SHANK2: variants seen among roughly 807,000 people sequenced by gnomAD.
SHANK2 encodes the protein SH3 and multiple ankyrin repeat domains 2, also known as SH3 and multiple ankyrin repeat domains protein 2.
SHANK2 carries 43 observed loss-of-function variants against 133.7 expected under a neutral mutation model. That is an observed-to-expected ratio of 0.32 (90% confidence interval 0.25 to 0.41). SHANK2 has a LOEUF of 0.41. Ranked by LOEUF, SHANK2 falls within the 10% of genes least tolerant of loss-of-function variation. The pLI is 1.00. For missense variants in SHANK2, 1,994 were observed against 2,235.8 expected, an observed-to-expected ratio of 0.89 and a Z score of 2.18; for synonymous variants, 1,017 against 952.8, an observed-to-expected ratio of 1.07 and a Z score of -1.24.
intron 14 of SHANK2, among the ~76,000 whole-genome samples, chr11:70,713,056 G>A (rs1945827712): frequency 6.6e-6 from 1 of 152,254 alleles, no homozygotes; most frequent in East Asian, 1.9e-4. Flanking sequence ...TTTGCCAAAA[G>A]AATCACGTGC....
In SHANK2 at chr11:70,892,409, C is replaced by G. The variant is rs147251540; in HGVS notation, c.1174+4092G>C. Among the ~76,000 whole-genome samples the G allele has an allele frequency of 4.1e-3, 632 of 152,318 alleles. 5 individuals are homozygous for G. The Middle Eastern group carries it at 0.054, about 13-fold the overall frequency. On this transcript the variant is annotated intron_variant, in intron 11 of 25. Transcript: ENST00000601538. Reference sequence around the variant, plus strand: ...TGGCCCAGGAAGCCTCCTCTTCCCTCTGGCCACCTTCCCAGCTCTGGTTCT... The same window carrying G: ...TGGCCCAGGAAGCCTCCTCTTCCCTGTGGCCACCTTCCCAGCTCTGGTTCT...
intron 14 of SHANK2, among the ~76,000 whole-genome samples, chr11:70,760,912 C>T (rs1946983626): frequency 6.6e-6 from 1 of 152,118 alleles, no homozygotes; most frequent in Admixed American, 6.5e-5. Flanking sequence ...GGGTCCAGAG[C>T]CATGTTTGCA....
intron 11 of SHANK2, among the ~76,000 whole-genome samples, chr11:70,859,489 G>A (rs1949224238): frequency 6.6e-6 from 1 of 151,948 alleles, no homozygotes; most frequent in Non-Finnish European, 1.5e-5. Context: ...GCAGGTGAAT[G>A]GATGCATGGA....
intron 17 of SHANK2, among the ~76,000 whole-genome samples, chr11:70,641,337 C>T (rs1291713002): frequency 2.0e-5 from 3 of 152,170 alleles, no homozygotes; most frequent in Non-Finnish European, 2.9e-5. Flanking sequence ...TTGTGATCTG[C>T]CCGCCTTGGC....
At chr11:70,554,359 G>A (rs2059804075) in intron 17 of SHANK2, among the ~76,000 whole-genome samples, 2 of 152,166 alleles carry the variant, frequency 1.3e-5, no homozygotes, top group Non-Finnish European at 2.9e-5. Flanking sequence ...GTTCCAGAGC[G>A]GCCTCTTTTC....
At chr11:70,916,007 C>T (rs901439363) in intron 10 of SHANK2, among the ~76,000 whole-genome samples, 5 of 152,188 alleles carry the variant, frequency 3.3e-5, no homozygotes, top group African/African-American at 7.2e-5. Flanking sequence ...TGCTCTTCCC[C>T]GATTCACATC....
At chr11:70,766,409 G>A (rs780088754) in intron 14 of SHANK2, among the ~76,000 whole-genome samples, 9 of 152,238 alleles carry the variant, frequency 5.9e-5, no homozygotes, top group South Asian at 2.1e-4. Flanking sequence ...ATAACAGCAC[G>A]TCTTGGATAA....
chr11:71,097,727 G>T (rs1951644221), intron 6 of SHANK2, among the ~76,000 whole-genome samples: 1 of 152,184 alleles, frequency 6.6e-6, no homozygotes, highest in South Asian at 2.1e-4. Flanking sequence ...CCTGACACTG[G>T]GAGGTGGCAC....
At chr11:70,759,216 G>C (rs997804969) in intron 14 of SHANK2, among the ~76,000 whole-genome samples, 1 of 150,116 alleles carries the variant, frequency 6.7e-6, no homozygotes, top group African/African-American at 2.4e-5. Flanking sequence ...AGTTCTGGCC[G>C]GGCACAGTGG....
rs374784307 is a variant in SHANK2, at chr11:70,759,590, C to T, written c.1777+38853G>A. ...TTGAGGTTTAGCCACAACTGGCCGG[C>T]GTTAACACTAAAGGAGAGATTGTGA... On this transcript the variant is annotated intron_variant, in intron 14 of 25. Transcript: ENST00000601538. Among the ~76,000 whole-genome samples the T allele has an allele frequency of 1.2e-3, 176 of 152,268 alleles. 3 individuals are homozygous for T. Among genetic ancestry groups the T allele is most frequent in the African/African-American group, 4.0e-3 (166 of 41,566 alleles).
At chr11:70,586,608 G>A (rs557031912) in intron 17 of SHANK2, among the ~76,000 whole-genome samples, 6 of 152,364 alleles carry the variant, frequency 3.9e-5, no homozygotes, top group African/African-American at 1.4e-4. Context: ...CAGACTCTCA[G>A]TACAGATCGC....
intron 10 of SHANK2, among the ~76,000 whole-genome samples, chr11:70,900,328 C>T (rs1315722522): frequency 4.6e-5 from 7 of 150,778 alleles, no homozygotes; most frequent in Non-Finnish European, 2.9e-5. Flanking sequence ...CACTCCAGCT[C>T]GGTGACACAG....
At chr11:70,844,301 G>A (rs868992899) in intron 11 of SHANK2, among the ~76,000 whole-genome samples, 1 of 152,142 alleles carries the variant, frequency 6.6e-6, no homozygotes, top group Non-Finnish European at 1.5e-5. Flanking sequence ...TAGCATTCAA[G>A]CTGTTCAGTT....
intron 17 of SHANK2, among the ~76,000 whole-genome samples, chr11:70,516,717 G>A (rs1225626279): frequency 6.6e-6 from 1 of 152,170 alleles, no homozygotes; most frequent in African/African-American, 2.4e-5. Flanking sequence ...ATAAAGGACT[G>A]GTATTTGAAA....
At chr11:70,792,160 T>C (rs1947802529) in intron 14 of SHANK2, among the ~76,000 whole-genome samples, 2 of 146,070 alleles carry the variant, frequency 1.4e-5, no homozygotes, top group Non-Finnish European at 3.0e-5. Flanking sequence ...GCCAACTAGT[T>C]AATCAACCAA....
chr11:70,670,006 C>T (rs1944764880), intron 15 of SHANK2, among the ~76,000 whole-genome samples: 1 of 152,174 alleles, frequency 6.6e-6, no homozygotes, highest in African/African-American at 2.4e-5. Flanking sequence ...TCTGATCAGA[C>T]CCAGGCGGGG....
chr11:70,821,816 C>T (rs1948529979), intron 11 of SHANK2, among the ~76,000 whole-genome samples: 2 of 152,196 alleles, frequency 1.3e-5, no homozygotes, highest in African/African-American at 4.8e-5. Flanking sequence ...GATTCAATCT[C>T]AGTCCTCACT....
At chr11:70,881,023 G>C (rs1590791614) in intron 11 of SHANK2, among the ~76,000 whole-genome samples, 2 of 152,292 alleles carry the variant, frequency 1.3e-5, no homozygotes, top group Middle Eastern at 3.4e-3. Flanking sequence ...ATTACTTCTG[G>C]AAGCACCTTG....
chr11:70,949,594 A>T (rs1950803117), intron 10 of SHANK2, among the ~76,000 whole-genome samples: 1 of 152,196 alleles, frequency 6.6e-6, no homozygotes, highest in African/African-American at 2.4e-5. Flanking sequence ...GCTCCAGACT[A>T]GGGCACCAAG....
Sources: gnomAD v4.1 joint callset for allele counts (sites outside exome capture counted in the v4.1 genomes callset) on GRCh38, gnomAD v4.1.1 for gene constraint, MANE v1.5 for transcripts, NCBI Gene and HGNC (gene_info 2026-07-23, HGNC 2026-07-21) for gene names.